Variants in FARP2 observed in about 807,000 individuals in gnomAD.
FARP2 encodes the protein FERM, ARHGEF and pleckstrin domain-containing protein 2.
In FARP2, 111 loss-of-function variants were observed where a neutral mutation model predicts 130.5. The observed-to-expected ratio is 0.85, with a 90% confidence interval of 0.73 to 1.00. The LOEUF is 1.00. Among genes scored for constraint, FARP2 ranks in the 50% least tolerant of loss-of-function variants. FARP2 has a pLI of 0.00. For synonymous variants in FARP2, 504 were observed against 516.9 expected (o/e 0.98, Z 0.34); for missense variants, 1,385 against 1,346.3 (o/e 1.03, Z -0.45).
At chr2:241,376,551 G>C (rs1287276463) in intron 2 of FARP2, among the ~76,000 whole-genome samples, 1 of 152,212 alleles carries the variant, frequency 6.6e-6, no homozygotes, top group African/African-American at 2.4e-5. Flanking sequence ...AGTCCACCCT[G>C]CATAGCCCCA....
intron 2 of FARP2, among the ~76,000 whole-genome samples, chr2:241,376,220 C>T (rs1481414716): frequency 6.6e-6 from 1 of 152,150 alleles, no homozygotes; most frequent in Non-Finnish European, 1.5e-5. Context: ...GTCACAGAAA[C>T]GTTCTCAGTC....
At chr2:241,369,070 CA>C (rs939964066) in intron 1 of FARP2, among the ~76,000 whole-genome samples, 2 of 152,088 alleles carry the variant, frequency 1.3e-5, no homozygotes, top group Admixed American at 1.3e-4. Flanking sequence ...ATCTCAGCTG[CA>C]GCCATGTTGA....
intron 14 of FARP2, among the ~76,000 whole-genome samples, chr2:241,458,232 A>T (rs1363819828): frequency 1.3e-5 from 2 of 151,932 alleles, no homozygotes; most frequent in African/African-American, 4.8e-5. Context: ...GAGAAGGGAG[A>T]CATGGGGTCC....
intron 1 of FARP2, among the ~76,000 whole-genome samples, chr2:241,370,848 G>T (rs1192201478): frequency 1.3e-5 from 2 of 152,190 alleles, no homozygotes; most frequent in African/African-American, 2.4e-5. Context: ...TTTACAGTAA[G>T]AATTTAGTTC....
In FARP2 at chr2:241,403,773, C is replaced by A. The variant is rs536191563; in HGVS notation, c.184-55C>A. On this transcript the variant is annotated intron_variant, in intron 2 of 26. Coordinates refer to ENST00000264042, the MANE Select transcript of FARP2 (RefSeq NM_014808.4). Reference sequence around the variant, plus strand: ...TAGTTTTATGCACAGTTTTCATAAACCCTTGCTGTTTAGTCTTTCAATCCT... The same window carrying A: ...TAGTTTTATGCACAGTTTTCATAAAACCTTGCTGTTTAGTCTTTCAATCCT... 5.3e-3 allele frequency: 5,742 copies of A among 1,090,180 alleles called. 22 individuals are homozygous for A. Among genetic ancestry groups the A allele is most frequent in the Non-Finnish European group, 7.1e-3 (5,101 of 716,900 alleles). The allele number at this position is 1,090,180 out of a possible 1,614,324, so 67.5% of individuals were successfully genotyped here.
intron 19 of FARP2, among the ~76,000 whole-genome samples, chr2:241,480,622 T>G (rs1046507009): frequency 6.6e-6 from 1 of 152,078 alleles, no homozygotes; most frequent in South Asian, 2.1e-4. Flanking sequence ...TTAGGTATGG[T>G]ATTTTATCAG....
intron 2 of FARP2, among the ~76,000 whole-genome samples, chr2:241,389,699 T>C (rs987493521): frequency 1.3e-5 from 2 of 152,254 alleles, no homozygotes; most frequent in African/African-American, 2.4e-5. Context: ...GATACTGTAG[T>C]TTTGTGCTCT....
intron 1 of FARP2, among the ~76,000 whole-genome samples, chr2:241,358,179 ACT>A (rs1208580590): frequency 1.3e-5 from 2 of 152,072 alleles, no homozygotes; most frequent in Non-Finnish European, 2.9e-5. Flanking sequence ...ACAGAGCGAG[ACT>A]CTGTCTCAAA....
At chr2:241,446,972 T>C (rs959000288) in intron 13 of FARP2, 2 of 152,186 alleles carry the variant, frequency 1.3e-5, no homozygotes, top group Non-Finnish European at 2.9e-5. Context: ...GAGCTGAAAT[T>C]TCCTTATACA....
intron 13 of FARP2, among the ~76,000 whole-genome samples, chr2:241,454,349 C>T (rs2063776134): frequency 2.0e-5 from 3 of 152,064 alleles, no homozygotes; most frequent in South Asian, 2.1e-4. Flanking sequence ...TAGTGAAGGC[C>T]GACGCTGACT....
chr2:241,465,539 G>A (rs1031683954), intron 17 of FARP2: 11 of 1,550,464 alleles, frequency 7.1e-6, no homozygotes, highest in East Asian at 2.4e-5. Flanking sequence ...GCAGCACTGG[G>A]GGAAGTGAGA....
rs1228359982 is a variant in FARP2, at chr2:241,463,919, A to C, written c.1832A>C (p.His611Pro). ...CTCAGGGAAGGGCCCTCCAAAGCCCACACAAAAGGCAGTCATCAACGAATC... is the reference window on the plus strand; with the variant it reads ...CTCAGGGAAGGGCCCTCCAAAGCCCCCACAAAAGGCAGTCATCAACGAATC... ...LALWEGPSKA[H>P]TKGSHQRIGD... The change falls in exon 17 of 27, where the codon CAC becomes CCC. Residue 611 changes from histidine to proline, a missense_variant. Transcript: ENST00000264042. 9 of 1,613,974 alleles carry C rather than the reference A, an allele frequency of 5.6e-6. No individual in the cohort carries two copies. Among genetic ancestry groups the C allele is most frequent in the Non-Finnish European group, 7.6e-6 (9 of 1,179,954 alleles).
At chr2:241,384,897 T>C (rs1456633907) in intron 2 of FARP2, among the ~76,000 whole-genome samples, 1 of 152,202 alleles carries the variant, frequency 6.6e-6, no homozygotes, top group Non-Finnish European at 1.5e-5. Flanking sequence ...CAGCTTTATA[T>C]TGTTTGCTTC....
At chr2:241,446,065 T>G (rs2063507710) in intron 13 of FARP2, 1 of 152,238 alleles carries the variant, frequency 6.6e-6, no homozygotes, top group East Asian at 1.9e-4. Context: ...GTTTTTGTAT[T>G]TAAGTTTCCA....
chr2:241,406,424 G>T (rs59488662), intron 4 of FARP2, among the ~76,000 whole-genome samples: 33,639 of 151,178 alleles, frequency 0.22, 4,452 homozygotes, highest in East Asian at 0.55. Flanking sequence ...TATATATAGA[G>T]AGAGAGAGAG....
At chr2:241,436,301 A>C (rs967072371) in intron 11 of FARP2, among the ~76,000 whole-genome samples, 180 bp from the exon 12 acceptor site, 1 of 151,548 alleles carries the variant, frequency 6.6e-6, no homozygotes, top group African/African-American at 2.4e-5. Flanking sequence ...CTCTCTTGGG[A>C]CCTCTGTTTT....
intron 2 of FARP2, among the ~76,000 whole-genome samples, chr2:241,394,032 G>C (rs1401552921): frequency 6.6e-6 from 1 of 151,968 alleles, no homozygotes; most frequent in East Asian, 1.9e-4. Context: ...CTTCCATTCT[G>C]AGCATCTGGA....
chr2:241,404,262 T>C (rs190386548), intron 3 of FARP2, among the ~76,000 whole-genome samples: 23 of 152,338 alleles, frequency 1.5e-4, no homozygotes, highest in Non-Finnish European at 5.9e-5. Flanking sequence ...AGATGCAACC[T>C]TAAAAAGTGT....
At chr2:241,366,104 A>AATATATAT (rs1553705629) in intron 1 of FARP2, among the ~76,000 whole-genome samples, 26 of 56,976 alleles carry the variant, frequency 4.6e-4, no homozygotes, top group African/African-American at 1.2e-3. Flanking sequence ...AAAAAAAAAA[A>AATATATAT]ATATATATAT....
Sources: gnomAD v4.1 joint callset for allele counts (sites outside exome capture counted in the v4.1 genomes callset) on GRCh38, gnomAD v4.1.1 for gene constraint, MANE v1.5 for transcripts, NCBI Gene and HGNC (gene_info 2026-07-23, HGNC 2026-07-21) for gene names.